SIGLEC10: variants seen among roughly 807,000 people sequenced by gnomAD.
The protein encoded by SIGLEC10 is sialic acid binding Ig like lectin 10, also known as sialic acid-binding Ig-like lectin 10.
A neutral mutation model predicts 68.3 loss-of-function variants in SIGLEC10; 45 were observed. The observed-to-expected ratio is 0.66, with a 90% CI of 0.52 to 0.84. SIGLEC10 has a LOEUF of 0.84. Among genes scored for constraint, SIGLEC10 ranks in the 40% least tolerant of loss-of-function variants. SIGLEC10 has a pLI of 0.00. For synonymous variants in SIGLEC10, 379 were observed against 370.8 expected (o/e 1.02, Z -0.26); for missense variants, 789 against 883.1 (o/e 0.89, Z 1.35).
At chr19:51,415,791 C>A in intron 5 of SIGLEC10, 107 bp downstream of exon 5, 3 of 1,581,056 alleles carry the variant, frequency 1.9e-6, no homozygotes, top group Middle Eastern at 2.4e-4. Flanking sequence ...GAAGGTCGGT[C>A]TCCGAGGCCT....
intron 10 of SIGLEC10, among the ~76,000 whole-genome samples, chr19:51,411,925 C>G (rs1411792725): frequency 6.6e-6 from 1 of 151,828 alleles, no homozygotes; most frequent in Non-Finnish European, 1.5e-5. Flanking sequence ...GGTGGATCAC[C>G]TGAGGTCAGG....
rs193273869 is a variant in SIGLEC10, at chr19:51,410,431, C to T, written c.*668G>A. 6.6e-6 allele frequency: 1 copy of T among 152,454 alleles called. No homozygotes were observed. The highest frequency in any genetic ancestry group is 6.5e-5 in the Admixed American group (1 of 15,296). 9.4% of individuals were successfully genotyped at this position (152,454 alleles called of 1,614,324 possible). On this transcript the variant is annotated 3_prime_UTR_variant, in exon 11 of 11. Coordinates refer to ENST00000339313, the MANE Select transcript of SIGLEC10 (RefSeq NM_033130.5). ...GAGAATGCAGCCCAGTAGGTCTCAG[C>T]CTCATTTTATTCAGCTCCTATTCCA...
intron 3 of SIGLEC10, 85 bp from the exon 4 acceptor site, chr19:51,416,442 G>A (rs2123773664): frequency 1.9e-6 from 3 of 1,611,716 alleles, no homozygotes; most frequent in East Asian, 4.5e-5. Flanking sequence ...AAAGAAAGTG[G>A]GACTATCCCG....
At position 51,414,360 on chromosome 19, in the gene SIGLEC10, G is replaced by T; in HGVS notation, c.1709+62C>A. On this transcript the variant is annotated intron_variant, in intron 9 of 10. Transcript: ENST00000339313. This position sits in a 1 kb window ranked among gnomAD's most constrained non-coding sequence, Gnocchi z 4.1. ...ATCACGACCTTCACTCTTTCGGCCT[G>T]CAACACCTCCCCTCTTCCTGGGTCC... 7.0e-7 allele frequency: 1 copy of T among 1,436,664 alleles called. No homozygotes were observed. The highest frequency in any genetic ancestry group is 9.7e-7 in the Non-Finnish European group (1 of 1,028,684). 89.0% of individuals were successfully genotyped at this position (1,436,664 alleles called of 1,614,324 possible). A position where few individuals can be genotyped will look rare whatever the true frequency, so the allele number is the denominator to read the frequency against.
Position 51,414,580 on chromosome 19 carries a change from A to C in SIGLEC10, c.1616-65T>G. The C allele has an allele frequency of 1.3e-6, 2 of 1,522,128 alleles. No individual in the cohort carries two copies. Among genetic ancestry groups the C allele is most frequent in the South Asian group, 1.1e-5 (1 of 87,738 alleles). The allele number at this position is 1,522,128 out of a possible 1,614,324, so 94.3% of individuals were successfully genotyped here. On this transcript the variant is annotated intron_variant, in intron 8 of 10. Coordinates refer to ENST00000339313, the MANE Select transcript of SIGLEC10 (RefSeq NM_033130.5). This position sits in a 1 kb window ranked among gnomAD's most constrained non-coding sequence, Gnocchi z 4.1. ...GCAGGGCTCACGAAGCCCGCTCATC[A>C]CTCGGCATTAAGGCTTCCGGTTCCC...
intron 3 of SIGLEC10, 148 bp downstream of exon 3, chr19:51,416,518 C>T (rs1988680777): frequency 1.3e-6 from 2 of 1,575,450 alleles, no homozygotes; most frequent in Admixed American, 1.9e-5. Flanking sequence ...CCATCCCCCT[C>T]CCAGGGCTGC....
In SIGLEC10 at chr19:51,414,447, G is replaced by T; in HGVS notation, c.1684C>A (p.Leu562Ile). The change falls in exon 9 of 11, where the codon CTT (leucine) becomes ATT (isoleucine). Residue 562 changes from leucine to isoleucine, a missense_variant. Physicochemically the swap from Leu to Ile is conservative, Grantham distance 5. Coordinates refer to ENST00000339313, the MANE Select transcript of SIGLEC10 (RefSeq NM_033130.5). This position sits in a 1 kb window ranked among gnomAD's most constrained non-coding sequence, Gnocchi z 4.1. The stretch of plus-strand genomic sequence containing the variant: ...ATGATCAGGGCCAGGCAGAGGAAAA[G>T]AAGAGCCGTGATGCCGATTCCCAGA... ...AFLGIGITAL[L>I]FLCLALIIMK... The T allele has an allele frequency of 6.2e-7, 1 of 1,613,980 alleles. No individual in the cohort carries two copies. The highest frequency in any genetic ancestry group is 8.5e-7 in the Non-Finnish European group (1 of 1,179,964).
At position 51,411,286 on chromosome 19, in the gene SIGLEC10, T is replaced by C; in HGVS notation, c.1907A>G (p.Asn636Ser). The C allele has an allele frequency of 6.2e-7, 1 of 1,614,214 alleles. No homozygotes were observed. The highest frequency in any genetic ancestry group is 8.5e-7 in the Non-Finnish European group (1 of 1,180,044). Reference protein sequence around the residue: ...PGAPSPESKKNQKKQYQLPSF... With the variant: ...PGAPSPESKKSQKKQYQLPSF... ...GGGCAACTGATACTGCTTTTTCTGG[T>C]TCTTCTTTGATTCTGGGGAGGGAGC... The change falls in exon 11 of 11, where the codon AAC (asparagine) becomes AGC (serine). Residue 636 changes from asparagine to serine, a missense_variant. By Grantham distance (46) the Asn-to-Ser change is conservative (BLOSUM62 1). Coordinates refer to ENST00000339313, the MANE Select transcript of SIGLEC10 (RefSeq NM_033130.5).
chr19:51,415,468 C>G, intron 6 of SIGLEC10, 30 bp from the exon 7 acceptor site: 1 of 1,609,850 alleles, frequency 6.2e-7, no homozygotes, highest in Non-Finnish European at 8.5e-7. Flanking sequence ...AATCGATGAG[C>G]AGCTCAGGGC....
intron 10 of SIGLEC10, among the ~76,000 whole-genome samples, chr19:51,413,044 A>T (rs949373381): frequency 6.6e-6 from 1 of 152,168 alleles, no homozygotes. Flanking sequence ...AGACACCCAC[A>T]TGGAGATGTT....
At chr19:51,416,285 G>T (rs1203562384) in intron 4 of SIGLEC10, 25 bp downstream of exon 4, 1 of 1,613,844 alleles carries the variant, frequency 6.2e-7, no homozygotes, top group African/African-American at 1.3e-5. Context: ...AACTGGCCCA[G>T]CCCCAGCCCG....
Position 51,415,338 on chromosome 19 carries a change from G to C in SIGLEC10, c.1173C>G (p.Ser391Arg). 1 of 1,613,424 alleles carries C rather than the reference G, an allele frequency of 6.2e-7. No homozygotes were observed. Among genetic ancestry groups the C allele is most frequent in the Non-Finnish European group, 8.5e-7 (1 of 1,179,604 alleles). Reference sequence around the variant, plus strand: ...TCAGAACCTGTCCCCTCTGGGTCCAGCTCAGCCTGGCTGGGGGGCTGCTGT... The same window carrying C: ...TCAGAACCTGTCCCCTCTGGGTCCACCTCAGCCTGGCTGGGGGGCTGCTGT... Reference protein sequence around the residue: ...VTHSSPPARLSWTQRGQVLSP... With the variant: ...VTHSSPPARLRWTQRGQVLSP... Residue 391 changes from serine (S) to arginine (R), a missense_variant, in exon 7 of 11, where the codon AGC becomes AGG. Transcript: ENST00000339313.
Position 51,414,175 on chromosome 19 carries a change from C to G in SIGLEC10, c.1709+247G>C. 1.7e-6 allele frequency: 1 copy of G among 571,944 alleles called. No homozygotes were observed. The highest frequency in any genetic ancestry group is 3.0e-5 in the East Asian group (1 of 33,796). 35.4% of individuals were successfully genotyped at this position (571,944 alleles called of 1,614,324 possible). On this transcript the variant is annotated intron_variant, in intron 9 of 10. Transcript: ENST00000339313. The surrounding 1 kb of genome is among the most constrained non-coding windows in gnomAD (Gnocchi z 4.1). ...ACAGGTTCATATTATTACTAACAAG[C>G]TTCAGCTGTGCCTAATTACAAGAAA...
Position 51,416,306 on chromosome 19 carries a change from G to A in SIGLEC10, c.754+4C>T. On this transcript the variant is annotated splice_donor_region_variant and intron_variant, in intron 4 of 10. Coordinates refer to ENST00000339313, the MANE Select transcript of SIGLEC10 (RefSeq NM_033130.5). ...CCCAGCCCCAGCCCGACGGCCCTCA[G>A]TACCTGGCGTGTTGTCACGTGAAAT... is the stretch of plus-strand genomic sequence containing the variant. 1.2e-6 allele frequency: 2 copies of A among 1,614,136 alleles called. No individual in the cohort carries two copies. The highest frequency in any genetic ancestry group is 1.1e-5 in the South Asian group (1 of 91,080).
Position 51,416,618 on chromosome 19 carries a change from C to A in SIGLEC10, c.706+48G>T, listed in dbSNP as rs569661331. On this transcript the variant is annotated intron_variant, in intron 3 of 10. Transcript: ENST00000339313. ...GTCCCACTGGGCTCCTCCACCTCCC[C>A]ACCCACCGGGGCTGTCTGCACACCC... is the stretch of plus-strand genomic sequence containing the variant. 4 of 1,610,664 alleles carry A rather than the reference C, an allele frequency of 2.5e-6. No individual in the cohort carries two copies. The East Asian group carries it at 8.9e-5, about 36-fold the overall frequency.
At chr19:51,411,465 C>G in intron 10 of SIGLEC10, 94 bp from the exon 11 acceptor site, 9 of 1,491,376 alleles carry the variant, frequency 6.0e-6, no homozygotes, top group Non-Finnish European at 7.3e-6. Context: ...CAGAGTGAAA[C>G]TAAGTCCCTG....
intron 3 of SIGLEC10, 129 bp from the exon 4 acceptor site, chr19:51,416,486 G>T: frequency 6.3e-7 from 1 of 1,596,974 alleles, no homozygotes; most frequent in South Asian, 1.1e-5. Flanking sequence ...CAGGGCTCAC[G>T]TGTGTGGACC....
intron 3 of SIGLEC10, 27 bp from the exon 4 acceptor site, chr19:51,416,384 A>G: frequency 6.2e-7 from 1 of 1,614,142 alleles, no homozygotes; most frequent in Non-Finnish European, 8.5e-7. Flanking sequence ...AGCTGGCTTC[A>G]GGGAGGGACA....
chr19:51,411,266 A>G lies in SIGLEC10; in HGVS notation c.1927T>C (p.Leu643=), dbSNP rs779659727. 8 of 1,614,052 alleles carry G rather than the reference A, an allele frequency of 5.0e-6. No individual in the cohort carries two copies. In the Admixed American group the frequency reaches 5.0e-5, roughly 10 times the overall value. ...SKKNQKKQYQ[L]PSFPEPKSST... ...GATTTGGGTTCTGGGAAACTGGGCA[A>G]CTGATACTGCTTTTTCTGGTTCTTC... The change falls in exon 11 of 11, where the codon TTG becomes CTG. Residue 643 remains leucine, a synonymous_variant. Transcript: ENST00000339313.
Sources: gnomAD v4.1 joint callset for allele counts (sites outside exome capture counted in the v4.1 genomes callset) on GRCh38, gnomAD v4.1.1 for gene constraint, Gnocchi (gnomAD v3.1) non-coding constraint, MANE v1.5 for transcripts, NCBI Gene and HGNC (gene_info 2026-07-23, HGNC 2026-07-21) for gene names.